MTUS2: variants seen among roughly 807,000 people sequenced by gnomAD.
The protein encoded by MTUS2 is microtubule-associated tumor suppressor candidate 2.
Under a neutral mutation model 114.1 loss-of-function variants are expected in MTUS2, and 40 were observed. That is an observed-to-expected ratio of 0.35 (90% CI 0.27 to 0.46). The LOEUF is 0.46. Among genes scored for constraint, MTUS2 ranks in the 20% least tolerant of loss-of-function variants. MTUS2 has a pLI of 1.00. For missense variants in MTUS2, 1,679 were observed against 1,705.4 expected (o/e 0.98, Z 0.27); for synonymous variants, 688 against 672.0 (o/e 1.02, Z -0.37).
At chr13:28,995,652 C>T (rs1199808300) in intron 2 of MTUS2, among the ~76,000 whole-genome samples, 1 of 152,106 alleles carries the variant, frequency 6.6e-6, no homozygotes, top group Non-Finnish European at 1.5e-5. Context: ...ATTTTATTCT[C>T]TTTGAAGCAA....
intron 5 of MTUS2, among the ~76,000 whole-genome samples, chr13:29,261,982 G>A (rs960233966): frequency 2.0e-5 from 3 of 152,158 alleles, no homozygotes; most frequent in Non-Finnish European, 2.9e-5. Context: ...ACTAACCTCC[G>A]TCAGTATTTG....
At chr13:29,099,023 A>C (rs888469029) in intron 4 of MTUS2, among the ~76,000 whole-genome samples, 1 of 152,232 alleles carries the variant, frequency 6.6e-6, no homozygotes, top group Non-Finnish European at 1.5e-5. Context: ...TGTTCTACAG[A>C]CATCGTCCAC....
intron 5 of MTUS2, among the ~76,000 whole-genome samples, chr13:29,253,844 G>C (rs1295140771): frequency 6.7e-6 from 1 of 149,520 alleles, no homozygotes; most frequent in Non-Finnish European, 1.5e-5. Context: ...GAGAGAGAGA[G>C]CTTGTGCAGG....
chr13:28,925,076 A>G (rs565849029), intron 2 of MTUS2, among the ~76,000 whole-genome samples: 2 of 152,254 alleles, frequency 1.3e-5, no homozygotes, highest in Admixed American at 1.3e-4. Context: ...CTAAGAGGAC[A>G]GTGAGATGCC....
chr13:28,975,153 A>G (rs1884031041), intron 2 of MTUS2, among the ~76,000 whole-genome samples: 1 of 152,250 alleles, frequency 6.6e-6, no homozygotes, highest in Non-Finnish European at 1.5e-5. Flanking sequence ...GATTGGATCC[A>G]TGGCAGCAGA....
chr13:29,425,116 T>C (rs903523133), intron 8 of MTUS2, among the ~76,000 whole-genome samples: 28 of 152,252 alleles, frequency 1.8e-4, no homozygotes, highest in African/African-American at 6.0e-4. Flanking sequence ...TACTTTAACA[T>C]AGAAATATTT....
chr13:28,938,624 G>C (rs1419809219), intron 2 of MTUS2, among the ~76,000 whole-genome samples: 1 of 152,188 alleles, frequency 6.6e-6, no homozygotes, highest in East Asian at 1.9e-4. Flanking sequence ...TGGTACCCAA[G>C]TATGAGATGC....
chr13:29,350,947 C>CATATATATATTTCATATATATATAT (rs1462597387), intron 7 of MTUS2, among the ~76,000 whole-genome samples: 21 of 92,912 alleles, frequency 2.3e-4, no homozygotes, highest in African/African-American at 6.2e-4. Flanking sequence ...GGAATTAGGG[C>CATATATATATTTCATATATATATAT]ATATATATAT....
chr13:29,270,698 C>T (rs1400556086), intron 5 of MTUS2, among the ~76,000 whole-genome samples: 3 of 152,230 alleles, frequency 2.0e-5, no homozygotes, highest in Admixed American at 1.3e-4. Context: ...TATGGAAGCT[C>T]GTGTGGCTGG....
At chr13:28,993,437 C>T (rs1185971272) in intron 2 of MTUS2, among the ~76,000 whole-genome samples, 1 of 152,188 alleles carries the variant, frequency 6.6e-6, no homozygotes, top group African/African-American at 2.4e-5. Context: ...TGTCTGTTTA[C>T]TCTATTGATA....
chr13:29,470,116 C>A (rs1211122829), intron 9 of MTUS2, among the ~76,000 whole-genome samples: 1 of 152,130 alleles, frequency 6.6e-6, no homozygotes, highest in Non-Finnish European at 1.5e-5. Context: ...TGTTTACAGA[C>A]CCTCAGGGAG....
intron 5 of MTUS2, among the ~76,000 whole-genome samples, chr13:29,163,983 A>G (rs552516044): frequency 1.2e-3 from 180 of 152,278 alleles, no homozygotes; most frequent in African/African-American, 4.2e-3. Context: ...ACGTCGCTGA[A>G]AACTCTGCTA....
chr13:29,417,976 G>C (rs1340703342), intron 8 of MTUS2, among the ~76,000 whole-genome samples: 2 of 152,148 alleles, frequency 1.3e-5, no homozygotes, highest in Non-Finnish European at 2.9e-5. Flanking sequence ...AGTGGAGTTG[G>C]GGGGTAACTG....
chr13:29,305,944 C>T lies in MTUS2; in HGVS notation c.2807-18669C>T, dbSNP rs190418064. On this transcript the variant is annotated intron_variant, in intron 6 of 15. Coordinates refer to ENST00000612955, the MANE Select transcript of MTUS2 (RefSeq NM_001033602.4). The stretch of plus-strand genomic sequence containing the variant: ...CATCAAGAAGCTTATCCACCATGAT[C>T]AAGTTGGCTTCATCCCAGGATGCAA... Among the ~76,000 whole-genome samples the T allele has an allele frequency of 1.7e-4, 26 of 152,310 alleles. No individual in the cohort carries two copies. The East Asian group carries it at 4.2e-3, about 25-fold the overall frequency.
intron 4 of MTUS2, among the ~76,000 whole-genome samples, chr13:29,092,672 C>A (rs932859666): frequency 6.6e-6 from 1 of 152,066 alleles, no homozygotes; most frequent in South Asian, 2.1e-4. Context: ...CCCCGCCAGA[C>A]GAGTGGATGG....
intron 7 of MTUS2, among the ~76,000 whole-genome samples, chr13:29,341,602 C>A (rs996182046): frequency 2.0e-5 from 3 of 152,156 alleles, no homozygotes; most frequent in Non-Finnish European, 4.4e-5. Flanking sequence ...TGTCTGTTCA[C>A]TCTGCTGATT....
At chr13:28,845,659 T>G (rs1362500786) in intron 2 of MTUS2, among the ~76,000 whole-genome samples, 2 of 151,566 alleles carry the variant, frequency 1.3e-5, no homozygotes, top group African/African-American at 4.9e-5. Context: ...CTGTTTTGTT[T>G]GTTTTTTTTT....
intron 2 of MTUS2, among the ~76,000 whole-genome samples, chr13:28,885,340 T>A (rs1269676677): frequency 6.6e-6 from 1 of 152,126 alleles, no homozygotes; most frequent in Admixed American, 6.6e-5. Context: ...CTTCTGTGGA[T>A]AAAGGGAAGG....
chr13:29,357,187 G>C (rs1033090095), intron 7 of MTUS2, among the ~76,000 whole-genome samples: 3 of 151,904 alleles, frequency 2.0e-5, no homozygotes, highest in Admixed American at 1.3e-4. Flanking sequence ...TGATGATGAT[G>C]ATGATGATGA....
Sources: gnomAD v4.1 joint callset for allele counts (sites outside exome capture counted in the v4.1 genomes callset) on GRCh38, gnomAD v4.1.1 for gene constraint, MANE v1.5 for transcripts, NCBI Gene and HGNC (gene_info 2026-07-23, HGNC 2026-07-21) for gene names.